SOX5: variants seen among roughly 807,000 people sequenced by gnomAD.
SOX5 encodes transcription factor SOX-5.
SOX5 carries 9 observed loss-of-function variants against 92.0 expected under a neutral mutation model. That is an observed-to-expected ratio of 0.10 (90% CI 0.06 to 0.17). The LOEUF is 0.17. SOX5 is among the 10% of genes least tolerant of loss of function. The probability of loss-of-function intolerance (pLI) is 1.00; values close to 1 mark genes in which losing one functional copy is unlikely to be tolerated. For missense variants in SOX5, 642 were observed against 944.5 expected (o/e 0.68, Z 4.20); for synonymous variants, 344 against 336.3 (o/e 1.02, Z -0.25).
intron 2 of SOX5, among the ~76,000 whole-genome samples, chr12:23,885,856 C>A (rs1429533534): frequency 4.1e-5 from 6 of 147,384 alleles, no homozygotes; most frequent in Non-Finnish European, 6.0e-5. Context: ...AAATTGCTTT[C>A]CAAAACAAGA....
At chr12:23,909,331 A>G (rs1168369788) in intron 1 of SOX5, among the ~76,000 whole-genome samples, 1 of 152,226 alleles carries the variant, frequency 6.6e-6, no homozygotes, top group African/African-American at 2.4e-5. Flanking sequence ...CACTGTAACT[A>G]TAATATGAAT....
chr12:23,764,727 T>A (rs1246884877), intron 3 of SOX5, among the ~76,000 whole-genome samples: 3 of 152,022 alleles, frequency 2.0e-5, no homozygotes, highest in African/African-American at 7.2e-5. Flanking sequence ...AAGTGGGTGG[T>A]AGAGATAAAG....
intron 4 of SOX5, among the ~76,000 whole-genome samples, chr12:24,104,898 C>T (rs1593199846): frequency 6.6e-6 from 1 of 152,184 alleles, no homozygotes; most frequent in South Asian, 2.1e-4. Context: ...TTGCAGACTG[C>T]TTTTGTTTCA....
intron 10 of SOX5, among the ~76,000 whole-genome samples, 173 bp from the exon 11 acceptor site, chr12:23,563,576 G>A (rs920649889): frequency 6.6e-6 from 1 of 152,126 alleles, no homozygotes; most frequent in African/African-American, 2.4e-5. Context: ...GATCCATATA[G>A]TCATACATAA....
intron 2 of SOX5, among the ~76,000 whole-genome samples, chr12:23,874,845 C>T (rs2096910700): frequency 6.6e-6 from 1 of 152,070 alleles, no homozygotes; most frequent in African/African-American, 2.4e-5. Context: ...GCAAAGTCCT[C>T]GATATCCTGT....
At chr12:23,904,232 T>C (rs2097266894) in intron 1 of SOX5, among the ~76,000 whole-genome samples, 1 of 152,286 alleles carries the variant, frequency 6.6e-6, no homozygotes. Context: ...CAAACTTTTA[T>C]ACCATTTTTC....
At chr12:24,092,864 A>G (rs1177810799) in intron 4 of SOX5, among the ~76,000 whole-genome samples, 5 of 152,162 alleles carry the variant, frequency 3.3e-5, no homozygotes, top group African/African-American at 1.2e-4. Context: ...TAGTCCAGAA[A>G]AGTGCTTGTG....
intron 2 of SOX5, among the ~76,000 whole-genome samples, chr12:23,887,302 G>A (rs893903476): frequency 5.3e-5 from 8 of 152,040 alleles, no homozygotes; most frequent in African/African-American, 1.9e-4. Flanking sequence ...TCCACAAGAA[G>A]ATCCATTAAG....
At chr12:23,700,164 C>T (rs1035935980) in intron 6 of SOX5, among the ~76,000 whole-genome samples, 4 of 152,106 alleles carry the variant, frequency 2.6e-5, no homozygotes, top group Admixed American at 6.6e-5. Flanking sequence ...TGACACACAA[C>T]AAATTTAATA....
chr12:23,625,349 C>T (rs772677345), intron 8 of SOX5, among the ~76,000 whole-genome samples: 2 of 152,060 alleles, frequency 1.3e-5, no homozygotes, highest in South Asian at 2.1e-4. Flanking sequence ...ACTGGTGTTA[C>T]GGTCTAAATG....
intron 3 of SOX5, among the ~76,000 whole-genome samples, chr12:23,831,259 A>C (rs2096313134): frequency 6.6e-6 from 1 of 152,302 alleles, no homozygotes; most frequent in East Asian, 1.9e-4. Context: ...TAAATGAAAC[A>C]ATAATGTTGA....
chr12:24,545,445 C>G (rs2138864021), intron 1 of SOX5, among the ~76,000 whole-genome samples: 1 of 151,738 alleles, frequency 6.6e-6, no homozygotes, highest in East Asian at 2.0e-4. Flanking sequence ...ATTGCCTTGT[C>G]TAATTTTTAG....
At chr12:23,698,900 C>T (rs955521681) in intron 6 of SOX5, among the ~76,000 whole-genome samples, 1 of 152,154 alleles carries the variant, frequency 6.6e-6, no homozygotes, top group African/African-American at 2.4e-5. Context: ...GAAGATACAA[C>T]CCTACCCTCT....
At chr12:23,976,816 TG>T (rs1215750538) in intron 4 of SOX5, among the ~76,000 whole-genome samples, 2 of 151,948 alleles carry the variant, frequency 1.3e-5, no homozygotes, top group Admixed American at 6.5e-5. Context: ...CTGTTGTTGT[TG>T]TTTTTTTTTT....
intron 4 of SOX5, among the ~76,000 whole-genome samples, chr12:24,043,425 T>C (rs11047226): frequency 0.055 from 8,424 of 152,286 alleles, 213 homozygotes; most frequent in Middle Eastern, 0.085. Flanking sequence ...TAAAAACACA[T>C]TGCCCACCAT....
chr12:24,243,508 T>C lies in SOX5; in HGVS notation c.-76-30091A>G, dbSNP rs1030436917. On this transcript the variant is annotated intron_variant, in intron 3 of 4. Coordinates refer to the SOX5 transcript ENST00000446891. Reference sequence around the variant, plus strand: ...AGAGAAAAAGAATTAACACTGAAGATGCTATTCCAAATATAAACTATATTT... The same window carrying C: ...AGAGAAAAAGAATTAACACTGAAGACGCTATTCCAAATATAAACTATATTT... 9.5e-4 allele frequency among the ~76,000 whole-genome samples: 144 copies of C among 152,300 alleles called. 1 individual carries two copies. The highest frequency in any genetic ancestry group is 3.3e-3 in the African/African-American group (136 of 41,586).
chr12:24,032,919 C>T (rs1955656751), intron 4 of SOX5, among the ~76,000 whole-genome samples: 1 of 151,852 alleles, frequency 6.6e-6, no homozygotes, highest in Non-Finnish European at 1.5e-5. Flanking sequence ...CTTTGTAACA[C>T]TTGGACTTTT....
intron 1 of SOX5, among the ~76,000 whole-genome samples, chr12:24,485,499 G>A (rs1397739644): frequency 3.3e-5 from 5 of 152,066 alleles, no homozygotes; most frequent in Admixed American, 2.6e-4. Context: ...GCTCCAATTC[G>A]CAGTTTCTCT....
rs559384353 is a variant in SOX5 at position 23,836,025 on chromosome 12, T to A, written c.481+9958A>T. ...AGCATTTTATATAAATTATTTAATA[T>A]TGCAGTTAATGCATAATATACACTT... On this transcript the variant is annotated intron_variant, in intron 3 of 14. Transcript: ENST00000451604. Among the ~76,000 whole-genome samples the A allele has an allele frequency of 9.2e-5, 14 of 151,974 alleles. No homozygotes were observed. The East Asian group carries it at 2.3e-3, about 25-fold the overall frequency.
Sources: gnomAD v4.1 joint callset for allele counts (sites outside exome capture counted in the v4.1 genomes callset) on GRCh38, gnomAD v4.1.1 for gene constraint, MANE v1.5 for transcripts, NCBI Gene and HGNC (gene_info 2026-07-23, HGNC 2026-07-21) for gene names.